The following TBC1D22A variants were observed in gnomAD, a reference collection of about 807,000 sequenced individuals.
TBC1D22A encodes the protein putative GTPase activator.
Under a neutral mutation model 60.2 loss-of-function variants are expected in TBC1D22A, and 38 were observed. The ratio of observed to expected loss-of-function variants is 0.63; its 90% confidence interval spans 0.49 to 0.83. The LOEUF is 0.83. Ranked by LOEUF, TBC1D22A falls within the 40% of genes least tolerant of loss-of-function variation. The pLI, the probability that TBC1D22A is intolerant of heterozygous loss-of-function variation, is 0.00. For missense variants in TBC1D22A, 628 were observed against 701.0 expected (o/e 0.90, Z 1.18); for synonymous variants, 302 against 281.7 (o/e 1.07, Z -0.72).
intron 4 of TBC1D22A, among the ~76,000 whole-genome samples, chr22:46,824,993 GA>G (rs139965874): frequency 2.7e-3 from 413 of 152,210 alleles, no homozygotes; most frequent in African/African-American, 9.0e-3. Context: ...GTGGGGTGTG[GA>G]TGCTGGAGTT....
chr22:47,086,795 C>T (rs576415016), intron 11 of TBC1D22A, among the ~76,000 whole-genome samples: 18 of 152,240 alleles, frequency 1.2e-4, no homozygotes, highest in African/African-American at 3.9e-4. Context: ...TGAGCACAGA[C>T]GGGTGGTTCA....
chr22:46,928,920 A>G (rs772007971), intron 8 of TBC1D22A, among the ~76,000 whole-genome samples: 2 of 152,184 alleles, frequency 1.3e-5, no homozygotes, highest in Non-Finnish European at 2.9e-5. Flanking sequence ...TAACAGTTAC[A>G]AATGCTGGCA....
At chr22:46,923,783 C>T (rs2337162) in intron 8 of TBC1D22A, among the ~76,000 whole-genome samples, 117,825 of 152,244 alleles carry the variant, frequency 0.77, 45,713 homozygotes, top group Middle Eastern at 0.85. Context: ...ATGTTTTTTT[C>T]CCACATTTAA....
chr22:47,085,156 CT>C (rs1463604508), intron 11 of TBC1D22A, among the ~76,000 whole-genome samples: 5 of 152,008 alleles, frequency 3.3e-5, no homozygotes, highest in Non-Finnish European at 5.9e-5. Context: ...TGGCGTGTGC[CT>C]GTAATTCCAG....
chr22:47,023,955 T>C (rs372932148), intron 10 of TBC1D22A, among the ~76,000 whole-genome samples: 9 of 152,372 alleles, frequency 5.9e-5, no homozygotes, highest in East Asian at 1.9e-4. Context: ...CGTTTTCTTG[T>C]TATTGAAATA....
chr22:47,107,263 G>A (rs2147702336), intron 11 of TBC1D22A, among the ~76,000 whole-genome samples: 1 of 152,302 alleles, frequency 6.6e-6, no homozygotes, highest in South Asian at 2.1e-4. Context: ...GCTAGAAAAA[G>A]TAGAACAGTT....
chr22:46,930,034 C>T (rs989176846), intron 8 of TBC1D22A, among the ~76,000 whole-genome samples: 8 of 152,008 alleles, frequency 5.3e-5, no homozygotes, highest in Admixed American at 1.3e-4. Flanking sequence ...ATGCAGAGGA[C>T]GATGTTAGCA....
chr22:47,062,186 C>T (rs2063606065), intron 11 of TBC1D22A, among the ~76,000 whole-genome samples: 2 of 151,788 alleles, frequency 1.3e-5, no homozygotes, highest in African/African-American at 4.8e-5. Context: ...AGGGTTCCGG[C>T]AGTGTGGACC....
chr22:46,843,096 G>A (rs2086841996), intron 4 of TBC1D22A, among the ~76,000 whole-genome samples: 1 of 152,148 alleles, frequency 6.6e-6, no homozygotes, highest in East Asian at 1.9e-4. Context: ...CTGGGTGGCC[G>A]GATTTCAGGG....
intron 10 of TBC1D22A, among the ~76,000 whole-genome samples, chr22:47,013,603 G>C (rs760475466): frequency 4.6e-5 from 7 of 152,174 alleles, no homozygotes; most frequent in Non-Finnish European, 8.8e-5. Context: ...AATCAGGCTA[G>C]GAGGCCGCAT....
intron 5 of TBC1D22A, among the ~76,000 whole-genome samples, 160 bp from the exon 6 acceptor site, chr22:46,891,106 T>G (rs908475994): frequency 6.6e-6 from 1 of 151,380 alleles, no homozygotes; most frequent in African/African-American, 2.4e-5. Context: ...TGACCTCCTC[T>G]GTGTGTGTTT....
At chr22:46,839,501 T>C (rs985073271) in intron 4 of TBC1D22A, among the ~76,000 whole-genome samples, 9 of 152,030 alleles carry the variant, frequency 5.9e-5, no homozygotes, top group African/African-American at 2.2e-4. Context: ...AAAATTAATA[T>C]TGTTAAAATG....
At chr22:46,950,972 T>G (rs555284100) in intron 8 of TBC1D22A, among the ~76,000 whole-genome samples, 2 of 152,348 alleles carry the variant, frequency 1.3e-5, no homozygotes, top group African/African-American at 4.8e-5. Context: ...GTGTTTGTCC[T>G]GAAATACGTG....
intron 12 of TBC1D22A, among the ~76,000 whole-genome samples, chr22:47,139,013 T>A (rs140810591): frequency 7.8e-4 from 119 of 152,328 alleles, no homozygotes; most frequent in African/African-American, 2.6e-3. Context: ...AGCACGTTAT[T>A]TGGCCGAAAC....
At chr22:46,994,757 C>T (rs1391067143) in intron 9 of TBC1D22A, among the ~76,000 whole-genome samples, 1 of 152,186 alleles carries the variant, frequency 6.6e-6, no homozygotes, top group Non-Finnish European at 1.5e-5. Context: ...CATCAGAATT[C>T]CTCCACGAGG....
intron 4 of TBC1D22A, among the ~76,000 whole-genome samples, chr22:46,805,834 C>CCTT (rs138362506): frequency 1.2e-3 from 174 of 139,560 alleles, no homozygotes; most frequent in East Asian, 6.4e-3. Context: ...GTCTTTCTGT[C>CCTT]CTTCTTCTTC....
At chr22:46,803,160 AC>A (rs1021027879) in intron 4 of TBC1D22A, among the ~76,000 whole-genome samples, 1 of 150,168 alleles carries the variant, frequency 6.7e-6, no homozygotes, top group African/African-American at 2.5e-5. Flanking sequence ...CCACCAAAAG[AC>A]CCCCCTCTGC....
chr22:46,824,063 A>G (rs1450759720), intron 4 of TBC1D22A, among the ~76,000 whole-genome samples: 1 of 152,228 alleles, frequency 6.6e-6, no homozygotes, highest in Admixed American at 6.5e-5. Context: ...TATTAATATA[A>G]TATATAAACT....
chr22:46,964,181 C>T (rs79288247), intron 8 of TBC1D22A, among the ~76,000 whole-genome samples: 8,785 of 152,244 alleles, frequency 0.058, 377 homozygotes, highest in Non-Finnish European at 0.09. Flanking sequence ...CTGGGCCATC[C>T]GAAACACATT....
Sources: gnomAD v4.1 joint callset for allele counts (sites outside exome capture counted in the v4.1 genomes callset) on GRCh38, gnomAD v4.1.1 for gene constraint, MANE v1.5 for transcripts, NCBI Gene and HGNC (gene_info 2026-07-23, HGNC 2026-07-21) for gene names.